DNAH9: variants seen among roughly 807,000 people sequenced by gnomAD.
DNAH9 encodes DNAH9 variant protein.
A neutral mutation model predicts 471.6 loss-of-function variants in DNAH9; 345 were observed. That is an observed-to-expected ratio of 0.73 (90% CI 0.67 to 0.80). DNAH9 has a LOEUF of 0.80. DNAH9 is among the 30% of genes least tolerant of loss of function. The pLI, the probability that DNAH9 is intolerant of heterozygous loss-of-function variation, is 0.00. For synonymous variants in DNAH9, 2,093 were observed against 2,123.6 expected, an observed-to-expected ratio of 0.99 and a Z score of 0.40; for missense variants, 5,407 against 5,609.2, an observed-to-expected ratio of 0.96 and a Z score of 1.15.
chr17:11,651,295 C>T lies in DNAH9; in HGVS notation c.2324C>T (p.Ala775Val). ...LQNIDLRLRAAEETLNWKTEG... is the reference protein window; with the variant it reads ...LQNIDLRLRAVEETLNWKTEG... ...AATATTGATCTCCGCCTCAGAGCAG[C>T]AGAGGAGACTTTGAACTGGAAAACA... The change falls in exon 13 of 69, where the codon GCA becomes GTA. Residue 775 changes from alanine to valine, a missense_variant. By Grantham distance (64) the Ala-to-Val change is moderately conservative. Coordinates refer to ENST00000262442, the MANE Select transcript of DNAH9 (RefSeq NM_001372.4). 6.2e-7 allele frequency: 1 copy of T among 1,613,648 alleles called. No homozygotes were observed.
chr17:11,818,891 T>C (rs900667083), intron 45 of DNAH9, among the ~76,000 whole-genome samples: 1 of 147,022 alleles, frequency 6.8e-6, no homozygotes, highest in African/African-American at 2.5e-5. Context: ...ATTACTATTA[T>C]TATTATTATT....
At chr17:11,817,864 A>G (rs1397897809) in intron 45 of DNAH9, among the ~76,000 whole-genome samples, 1 of 151,952 alleles carries the variant, frequency 6.6e-6, no homozygotes, top group African/African-American at 2.4e-5. Context: ...ACAGTAAATG[A>G]TCACTTTCAT....
chr17:11,693,743 C>T (rs955835351), intron 20 of DNAH9, 125 bp from the exon 21 acceptor site: 8 of 1,012,376 alleles, frequency 7.9e-6, no homozygotes, highest in Admixed American at 6.5e-5. Flanking sequence ...GTGTTTCCTT[C>T]GTTGAGTCTA....
Position 11,689,799 on chromosome 17 carries a change from A to T in DNAH9, c.3977A>T (p.Asn1326Ile), listed in dbSNP as rs1269809433. 1 of 1,614,186 alleles carries T rather than the reference A, an allele frequency of 6.2e-7. No homozygotes were observed. Among genetic ancestry groups the T allele is most frequent in the East Asian group, 2.2e-5 (1 of 44,868 alleles). ...GCCTGGGAGACCACACCCTGGAGGA[A>T]TATCAACGTGGAAGCCATGGAGTTG... ...IHAWETTPWR[N>I]INVEAMELEC... is the part of the protein sequence containing the mutation. Residue 1326 changes from asparagine (N) to isoleucine (I), a missense_variant, in exon 20 of 69, where the codon AAT becomes ATT. By Grantham distance (149) the Asn-to-Ile change is moderately radical. This residue lies in a region of DNAH9 where 4,636 missense variants were observed against 4,900.3 expected (regional missense o/e 0.95). Coordinates refer to ENST00000262442, the MANE Select transcript of DNAH9 (RefSeq NM_001372.4).
chr17:11,949,484 T>A (rs1455242585), intron 67 of DNAH9, among the ~76,000 whole-genome samples: 1 of 151,674 alleles, frequency 6.6e-6, no homozygotes, highest in Non-Finnish European at 1.5e-5. Context: ...CTTGAGACTT[T>A]TTTTTTTTTT....
At chr17:11,699,675 A>T in intron 22 of DNAH9, 56 bp from the exon 23 acceptor site, 1 of 1,538,262 alleles carries the variant, frequency 6.5e-7, no homozygotes, top group Non-Finnish European at 9.0e-7. Flanking sequence ...AAACAATTCT[A>T]ATAAGCAGCT....
intron 7 of DNAH9, among the ~76,000 whole-genome samples, chr17:11,631,787 T>C (rs2073072986): frequency 6.6e-6 from 1 of 152,168 alleles, no homozygotes; most frequent in Non-Finnish European, 1.5e-5. Flanking sequence ...GTCATCATGT[T>C]TGGGAAGTAG....
In DNAH9 at chr17:11,727,818, T is replaced by A. The variant is rs1362319202; in HGVS notation, c.5710T>A (p.Ser1904Thr). 6.2e-7 allele frequency: 1 copy of A among 1,610,652 alleles called. No homozygotes were observed. Among genetic ancestry groups the A allele is most frequent in the East Asian group, 2.2e-5 (1 of 44,864 alleles). ...TTAATCTTTGTGCATTTTCTTGCAG[T>A]CTTGTGGCAACATCTACAAAGGCCT... ...FNCSEQMDYK[S>T]CGNIYKGLAQ... The change falls in exon 28 of 69, where the codon TCT becomes ACT. Residue 1904 changes from serine to threonine, a missense_variant and splice_region_variant. Around this residue, in one of 3 missense-constraint regions of DNAH9, gnomAD observed 4,636 missense variants for 4,900.3 expected, o/e 0.95. Transcript: ENST00000262442.
intron 3 of DNAH9, among the ~76,000 whole-genome samples, chr17:11,611,231 G>A (rs1348599921): frequency 6.6e-6 from 1 of 152,184 alleles, no homozygotes; most frequent in Non-Finnish European, 1.5e-5. Context: ...TGCCTGTAGG[G>A]CTCCAGCCTT....
intron 10 of DNAH9, among the ~76,000 whole-genome samples, chr17:11,642,703 G>A (rs957317562): frequency 6.6e-6 from 1 of 152,224 alleles, no homozygotes; most frequent in African/African-American, 2.4e-5. Flanking sequence ...ACGCCCACGT[G>A]AGAAGCCTCA....
chr17:11,822,708 A>G, intron 47 of DNAH9, 93 bp from the exon 48 acceptor site: 1 of 1,588,574 alleles, frequency 6.3e-7, no homozygotes, highest in Admixed American at 1.7e-5. Context: ...ATAAGTTTCC[A>G]CATGGTGGAG....
intron 26 of DNAH9, among the ~76,000 whole-genome samples, chr17:11,710,592 T>C (rs567383116): frequency 6.6e-6 from 1 of 152,306 alleles, no homozygotes; most frequent in Non-Finnish European, 1.5e-5. Flanking sequence ...AGGTTGAACA[T>C]TTTTATGTGT....
Position 11,942,367 on chromosome 17 carries a change from T to C in DNAH9, c.12725T>C (p.Met4242Thr), listed in dbSNP as rs764768295. 55 of 1,614,070 alleles carry C rather than the reference T, an allele frequency of 3.4e-5. No homozygotes were observed. The highest frequency in any genetic ancestry group is 4.1e-5 in the Non-Finnish European group (48 of 1,180,034). Residue 4242 changes from methionine to threonine, a missense_variant, in exon 67 of 69, where the codon ATG becomes ACG. Physicochemically the swap from Met to Thr is moderately conservative, Grantham distance 81. Coordinates refer to ENST00000262442, the MANE Select transcript of DNAH9 (RefSeq NM_001372.4). ...GACGAGTTTAACATCCCAGAACTGA[T>C]GGCCAAAGTGGAGGAGCGCACCCCT... Reference protein sequence around the residue: ...VTDEFNIPELMAKVEERTPYI... With the variant: ...VTDEFNIPELTAKVEERTPYI...
At chr17:11,929,775 C>T (rs889671934) in intron 62 of DNAH9, 91 bp from the exon 63 acceptor site, 3 of 1,039,244 alleles carry the variant, frequency 2.9e-6, no homozygotes, top group Non-Finnish European at 4.2e-6. Flanking sequence ...TAAGACCAGT[C>T]CCCCCTCTGG....
At chr17:11,640,997 A>T (rs1041894029) in intron 10 of DNAH9, among the ~76,000 whole-genome samples, 1 of 152,136 alleles carries the variant, frequency 6.6e-6, no homozygotes, top group African/African-American at 2.4e-5. Flanking sequence ...TGTTGTGTTT[A>T]AGACGCTGGC....
At position 11,919,420 on chromosome 17, in the gene DNAH9, G is replaced by A. The variant is rs148366017; in HGVS notation, c.11750-4394G>A. On this transcript the variant is annotated intron_variant, in intron 61 of 68. Coordinates refer to ENST00000262442, the MANE Select transcript of DNAH9 (RefSeq NM_001372.4). ...TGAGGCAGGAGAATGGCATGAACCC[G>A]GGAGGTAGAGCTTGCAGTGAGCCGA... is the stretch of plus-strand genomic sequence containing the variant. Among the ~76,000 whole-genome samples the A allele has an allele frequency of 0.019, 2,824 of 151,440 alleles. 147 individuals are homozygous for A. The East Asian group carries it at 0.24, about 13-fold the overall frequency.
Position 11,897,635 on chromosome 17 carries a change from G to A in DNAH9, c.11406+3139G>A, listed in dbSNP as rs542236868. Among the ~76,000 whole-genome samples the A allele has an allele frequency of 2.0e-5, 3 of 152,284 alleles. No individual in the cohort carries two copies. In the South Asian group the frequency reaches 6.2e-4, roughly 32 times the overall value. On this transcript the variant is annotated intron_variant, in intron 59 of 68. Coordinates refer to ENST00000262442, the MANE Select transcript of DNAH9 (RefSeq NM_001372.4). ...GATGGAGATGGACTAATTAACACAGGCTCTGGAGTCAGACATCCCTGGATT... is the reference window on the plus strand; with the variant it reads ...GATGGAGATGGACTAATTAACACAGACTCTGGAGTCAGACATCCCTGGATT...
chr17:11,626,224 A>T lies in DNAH9; in HGVS notation c.1351-3193A>T, dbSNP rs976956369. Among the ~76,000 whole-genome samples, 4 of 152,346 alleles carry T rather than the reference A, an allele frequency of 2.6e-5. No homozygotes were observed. In the East Asian group the frequency reaches 5.8e-4, roughly 22 times the overall value. On this transcript the variant is annotated intron_variant, in intron 6 of 68. Transcript: ENST00000262442. The surrounding 1 kb of genome is among the most constrained non-coding windows in gnomAD (Gnocchi z 4.3). ...CTGTGATGAATAAAAATAGATATTTAAAAAATATCATTTAAACTTCTTATT... is the reference window on the plus strand; with the variant it reads ...CTGTGATGAATAAAAATAGATATTTTAAAAATATCATTTAAACTTCTTATT...
chr17:11,731,236 G>A (rs1464257075), intron 28 of DNAH9, among the ~76,000 whole-genome samples: 1 of 151,742 alleles, frequency 6.6e-6, no homozygotes, highest in Non-Finnish European at 1.5e-5. Flanking sequence ...GGCAATGATG[G>A]TGATGGTGGT....
Sources: gnomAD v4.1 joint callset for allele counts (sites outside exome capture counted in the v4.1 genomes callset) on GRCh38, gnomAD v4.1.1 for gene constraint, gnomAD v4.1.1 regional missense constraint, Gnocchi (gnomAD v3.1) non-coding constraint, MANE v1.5 for transcripts, NCBI Gene and HGNC (gene_info 2026-07-23, HGNC 2026-07-21) for gene names.